The following GCKR variants were observed in gnomAD, a reference collection of about 807,000 sequenced individuals.
GCKR encodes the protein glucokinase regulator, also known as glucokinase regulatory protein.
A neutral mutation model predicts 82.9 loss-of-function variants in GCKR; 73 were observed. The observed-to-expected ratio is 0.88, with a 90% CI of 0.73 to 1.07. GCKR has a LOEUF of 1.07. GCKR is among the 50% of genes least tolerant of loss of function. GCKR has a pLI of 0.00. For missense variants in GCKR, 784 were observed against 782.1 expected (o/e 1.00, Z -0.03); for synonymous variants, 294 against 291.8 (o/e 1.01, Z -0.08).
Position 27,496,853 on chromosome 2 carries a change from G to A in GCKR, c.-52G>A. ...GAAGCAGAGTCATTGTGACCAGAGG[G>A]GTTTGTGTGGCTGAAGAGGCAGGAG... On this transcript the variant is annotated 5_prime_UTR_variant, in exon 1 of 19. Transcript: ENST00000264717. 7.0e-7 allele frequency: 1 copy of A among 1,424,860 alleles called. No individual in the cohort carries two copies. The highest frequency in any genetic ancestry group is 1.7e-5 in the Admixed American group (1 of 59,824). The allele number at this position is 1,424,860 out of a possible 1,614,324, so 88.3% of individuals were successfully genotyped here.
At chr2:27,507,499 A>C in intron 13 of GCKR, 182 bp from the exon 14 acceptor site, 1 of 680,398 alleles carries the variant, frequency 1.5e-6, no homozygotes, top group East Asian at 2.6e-5. Context: ...TCCAGTCCCC[A>C]AACTTGGCCC....
intron 11 of GCKR, 50 bp from the exon 12 acceptor site, chr2:27,506,738 G>T (rs745329323): frequency 8.1e-7 from 1 of 1,239,868 alleles, no homozygotes; most frequent in African/African-American, 1.5e-5. Flanking sequence ...GACATCTCTG[G>T]CCTCTTTGCA....
intron 9 of GCKR, among the ~76,000 whole-genome samples, chr2:27,505,190 A>G (rs1046446357): frequency 4.2e-5 from 6 of 144,036 alleles, no homozygotes; most frequent in East Asian, 2.0e-4. Context: ...AGGTCAGGAG[A>G]TCGAGACCAT....
rs35189790 is a variant in GCKR, at chr2:27,516,283, G to GTTTTTTTTTTTTTTT, written c.1423-2494_1423-2480dup. On this transcript the variant is annotated intron_variant, in intron 16 of 18. Coordinates refer to ENST00000264717, the MANE Select transcript of GCKR (RefSeq NM_001486.4). ...CCAATAGGGTTTGTTCTTCATTCTT[G>GTTTTTTTTTTTTTTT]TTTTTTTTTTTTTTTTTTTTTTTTT... Among the ~76,000 whole-genome samples the GTTTTTTTTTTTTTTT allele has an allele frequency of 1.7e-4, 10 of 58,526 alleles. 1 individual carries two copies. The highest frequency in any genetic ancestry group is 4.7e-4 in the African/African-American group (6 of 12,642). 38.4% of individuals were successfully genotyped at this position (58,526 alleles called of 152,430 possible). A position where few individuals can be genotyped will look rare whatever the true frequency, so the allele number is the denominator to read the frequency against.
At position 27,501,230 on chromosome 2, in the gene GCKR, G is replaced by C. The variant is rs951217333; in HGVS notation, c.644+1G>C. On this transcript the variant is annotated splice_donor_variant, in intron 8 of 18. Coordinates refer to ENST00000264717, the MANE Select transcript of GCKR (RefSeq NM_001486.4). LOFTEE classifies it high-confidence loss of function. The stretch of plus-strand genomic sequence containing the variant: ...GCTTCAATCCAGTGAGCATGGCCAG[G>C]TGAGCCTTCTGGAATGACTGGGCAG... 3.1e-6 allele frequency: 5 copies of C among 1,606,116 alleles called. No homozygotes were observed. The Admixed American group carries it at 5.0e-5, about 16-fold the overall frequency.
At position 27,505,589 on chromosome 2, in the gene GCKR, C is replaced by A; in HGVS notation, c.751-129C>A. The A allele has an allele frequency of 1.4e-5, 10 of 720,724 alleles. No individual in the cohort carries two copies. The South Asian group carries it at 1.4e-4, about 10-fold the overall frequency. The allele number at this position is 720,724 out of a possible 1,614,324, so 44.6% of individuals were successfully genotyped here. On this transcript the variant is annotated intron_variant, in intron 9 of 18. Transcript: ENST00000264717. ...ATCTTCCTCTCGGTCAAGCCCACCC[C>A]AGCACCCTTCCTCACAAGCACACTG...
chr2:27,497,110 G>T (rs1025460886), intron 1 of GCKR, 134 bp from the exon 2 acceptor site: 2 of 1,244,326 alleles, frequency 1.6e-6, no homozygotes, highest in Non-Finnish European at 2.4e-6. Context: ...AGTGCAGGCT[G>T]AGTTTCTGGT....
chr2:27,523,424 G>T lies in GCKR; in HGVS notation c.1863G>T (p.Glu621Asp). 2.5e-6 allele frequency: 4 copies of T among 1,607,542 alleles called. No homozygotes were observed. The highest frequency in any genetic ancestry group is 3.4e-6 in the Non-Finnish European group (4 of 1,179,978). ...CTGCGGACCCCCTCGAGATCCTAGA[G>T]CCTGACGTTCAGTGAACCCATGTTT... ...KRTADPLEIL[E>D]PDVQ Residue 621 changes from glutamate (E) to aspartate (D), a missense_variant, in exon 19 of 19, where the codon GAG (glutamate) becomes GAT (aspartate). Glu to Asp is a conservative substitution (Grantham distance 45, BLOSUM62 2). Transcript: ENST00000264717.
In GCKR at chr2:27,496,939, AG is replaced by A; in HGVS notation, c.36del (p.Thr13ProfsTer25). ...PGTKRFQHVI[E>X]TPEPGKWELS... ...ACAAAACGGTTTCAACATGTCATTG[AG>A]ACCCCGGAGCCTGGCAAGTGGGAGG... On this transcript the variant is annotated frameshift_variant, in exon 1 of 19. Transcript: ENST00000264717. LOFTEE classifies it high-confidence loss of function. The A allele has an allele frequency of 6.2e-7, 1 of 1,613,800 alleles. No individual in the cohort carries two copies. Among genetic ancestry groups the A allele is most frequent in the Admixed American group, 1.7e-5 (1 of 60,030 alleles).
intron 14 of GCKR, 37 bp downstream of exon 14, chr2:27,507,814 G>A (rs753063632): frequency 2.3e-6 from 3 of 1,304,394 alleles, no homozygotes; most frequent in Non-Finnish European, 3.3e-6. Context: ...GGGTGGGGAG[G>A]GGGAAATAGA....
chr2:27,500,490 G>C (rs1669548224), intron 7 of GCKR, among the ~76,000 whole-genome samples: 2 of 152,190 alleles, frequency 1.3e-5, no homozygotes, highest in Non-Finnish European at 2.9e-5. Flanking sequence ...ATGGTCTAAG[G>C]CCTCTTTTAT....
At position 27,496,897 on chromosome 2, in the gene GCKR, G is replaced by T; in HGVS notation, c.-8G>T. 2 of 1,612,772 alleles carry T rather than the reference G, an allele frequency of 1.2e-6. No homozygotes were observed. The highest frequency in any genetic ancestry group is 1.7e-6 in the Non-Finnish European group (2 of 1,178,772). On this transcript the variant is annotated 5_prime_UTR_variant, in exon 1 of 19. Transcript: ENST00000264717. ...GCAGGAGGAACAGTGTATCCACAGCGTGGGACCATGCCAGGCACAAAACGG... is the reference window on the plus strand; with the variant it reads ...GCAGGAGGAACAGTGTATCCACAGCTTGGGACCATGCCAGGCACAAAACGG...
chr2:27,507,657 C>T, intron 13 of GCKR, 24 bp from the exon 14 acceptor site: 2 of 1,292,032 alleles, frequency 1.5e-6, no homozygotes, highest in Non-Finnish European at 1.1e-6. Context: ...ATGGGAGGGA[C>T]CCTCCCATCT....
Position 27,505,708 on chromosome 2 carries a change from AC to A in GCKR, c.751-8del. The stretch of plus-strand genomic sequence containing the variant: ...CTCCCAATTCCTCTTGGGTGTCTTC[AC>A]CTCTTCAGCCCGAGGGTCTCAGCGG... On this transcript the variant is annotated splice_polypyrimidine_tract_variant and intron_variant, in intron 9 of 18. Transcript: ENST00000264717. 1 of 1,508,248 alleles carries A rather than the reference AC, an allele frequency of 6.6e-7. No homozygotes were observed. Among genetic ancestry groups the A allele is most frequent in the Admixed American group, 1.7e-5 (1 of 59,860 alleles). 93.4% of individuals were successfully genotyped at this position (1,508,248 alleles called of 1,614,324 possible). A position where few individuals can be genotyped will look rare whatever the true frequency, so the allele number is the denominator to read the frequency against.
chr2:27,506,674 G>A (rs1024834508), intron 11 of GCKR, 95 bp downstream of exon 11: 16 of 1,103,092 alleles, frequency 1.5e-5, no homozygotes, highest in South Asian at 6.2e-5. Context: ...CGGTATGGGC[G>A]ATAGGATTGC....
chr2:27,497,958 T>C (rs1669456905), intron 3 of GCKR, among the ~76,000 whole-genome samples: 1 of 152,256 alleles, frequency 6.6e-6, no homozygotes, highest in Non-Finnish European at 1.5e-5. Context: ...GAGCTAATAA[T>C]TGCTGGATAA....
chr2:27,498,502 C>T (rs1669480073), intron 4 of GCKR, among the ~76,000 whole-genome samples, 179 bp downstream of exon 4: 1 of 152,178 alleles, frequency 6.6e-6, no homozygotes, highest in Non-Finnish European at 1.5e-5. Context: ...TCTTCTGAGC[C>T]CATCTGAGTC....
rs1669430431 is a variant in GCKR at position 27,497,094 on chromosome 2, G to A, written c.60+130G>A. On this transcript the variant is annotated intron_variant, in intron 1 of 18. Transcript: ENST00000264717. The stretch of plus-strand genomic sequence containing the variant: ...ATGTTCTTTCCCTAATATGCCCAGA[G>A]CACCAAGTGCAGGCTGAGTTTCTGG... 8 of 1,206,542 alleles carry A rather than the reference G, an allele frequency of 6.6e-6. No individual in the cohort carries two copies. The South Asian group carries it at 7.3e-5, about 11-fold the overall frequency. The allele number at this position is 1,206,542 out of a possible 1,614,324, so 74.7% of individuals were successfully genotyped here.
chr2:27,506,886 G>A lies in GCKR; in HGVS notation c.1066+1G>A, dbSNP rs772415703. On this transcript the variant is annotated splice_donor_variant, in intron 12 of 18. Coordinates refer to ENST00000264717, the MANE Select transcript of GCKR (RefSeq NM_001486.4). LOFTEE classifies it high-confidence loss of function. ...GAGTGCATCCACACCTTTGGTGCTG[G>A]TGGGACCCCAGTCCAGATGTTCTTC... 66 of 1,582,136 alleles carry A rather than the reference G, an allele frequency of 4.2e-5. No homozygotes were observed. Among genetic ancestry groups the A allele is most frequent in the Non-Finnish European group, 4.7e-5 (54 of 1,150,934 alleles).
Sources: allele counts gnomAD v4.1 joint callset (sites outside exome capture counted in the v4.1 genomes callset), GRCh38; gene constraint gnomAD v4.1.1; transcripts MANE v1.5; gene names NCBI Gene and HGNC (gene_info 2026-07-23, HGNC 2026-07-21).